Variants in LRRC40 observed in about 807,000 individuals in gnomAD.
LRRC40 encodes the protein leucine-rich repeat-containing protein 40.
In LRRC40, 76 loss-of-function variants were observed where a neutral mutation model predicts 72.8. The ratio of observed to expected loss-of-function variants is 1.04; its 90% CI spans 0.87 to 1.26. LRRC40 has a LOEUF of 1.26. LRRC40 is among the 50% of genes most tolerant of loss of function. The pLI, the probability that LRRC40 is intolerant of heterozygous loss-of-function variation, is 0.00. For missense variants in LRRC40, 684 were observed against 698.9 expected (o/e 0.98, Z 0.24); for synonymous variants, 243 against 254.2 (o/e 0.96, Z 0.42).
Position 70,181,560 on chromosome 1 carries a change from T to C in LRRC40, c.538-351A>G, listed in dbSNP as rs373527511. On this transcript the variant is annotated intron_variant, in intron 4 of 14. Transcript: ENST00000370952. ...AATTCATGTATTCATCCAATATTTA[T>C]GAAGTGCCTAAGAAGAATTAGGCAT... Among the ~76,000 whole-genome samples the C allele has an allele frequency of 1.7e-4, 26 of 152,108 alleles. No homozygotes were observed. The East Asian group carries it at 3.1e-3, about 18-fold the overall frequency.
At chr1:70,196,632 C>CG (rs1668618130) in intron 1 of LRRC40, among the ~76,000 whole-genome samples, 2 of 149,930 alleles carry the variant, frequency 1.3e-5, no homozygotes, top group South Asian at 4.2e-4. Flanking sequence ...AAGCCCTAAG[C>CG]GAAAAAAAAA....
rs1245752060 is a variant in LRRC40, at chr1:70,183,646, G to A, written c.537+1139C>T. 2.0e-5 allele frequency among the ~76,000 whole-genome samples: 3 copies of A among 151,890 alleles called. No individual in the cohort carries two copies. The East Asian group carries it at 5.8e-4, about 29-fold the overall frequency. ...GGCTCACTAAAGCCTCAGCCTCCCTGACTCAGGCAACTTCCCTGCCTCAGC... is the reference window on the plus strand; with the variant it reads ...GGCTCACTAAAGCCTCAGCCTCCCTAACTCAGGCAACTTCCCTGCCTCAGC... On this transcript the variant is annotated intron_variant, in intron 4 of 14. Coordinates refer to ENST00000370952, the MANE Select transcript of LRRC40 (RefSeq NM_017768.5).
chr1:70,191,541 C>T (rs1571490068), intron 1 of LRRC40, among the ~76,000 whole-genome samples: 1 of 152,030 alleles, frequency 6.6e-6, no homozygotes, highest in East Asian at 1.9e-4. Flanking sequence ...TGATACTGTA[C>T]TATTATTGAA....
chr1:70,187,406 G>T, intron 2 of LRRC40, 68 bp from the exon 3 acceptor site: 1 of 785,450 alleles, frequency 1.3e-6, no homozygotes, highest in Non-Finnish European at 2.1e-6. Context: ...AGCTTTGCCA[G>T]TGTACAAAAC....
intron 9 of LRRC40, among the ~76,000 whole-genome samples, chr1:70,169,039 A>G (rs1349453273): frequency 6.6e-6 from 1 of 152,200 alleles, no homozygotes; most frequent in African/African-American, 2.4e-5. Flanking sequence ...TGGAGTCCTG[A>G]TGAGATAAGT....
intron 11 of LRRC40, among the ~76,000 whole-genome samples, chr1:70,154,510 CCT>C (rs1667594645): frequency 6.6e-6 from 1 of 152,168 alleles, no homozygotes; most frequent in African/African-American, 2.4e-5. Flanking sequence ...TATCAAATAT[CCT>C]CTCAGTCCTT....
At chr1:70,163,162 G>A (rs1299542143) in intron 9 of LRRC40, among the ~76,000 whole-genome samples, 2 of 150,234 alleles carry the variant, frequency 1.3e-5, no homozygotes, top group Non-Finnish European at 3.0e-5. Flanking sequence ...TGCAACCTCC[G>A]ACTCCCTGGT....
intron 1 of LRRC40, among the ~76,000 whole-genome samples, chr1:70,193,722 T>C (rs1425673759): frequency 1.3e-5 from 2 of 151,936 alleles, no homozygotes; most frequent in African/African-American, 4.8e-5. Flanking sequence ...CTGAACAAAT[T>C]TTGCAACTCT....
chr1:70,192,385 C>T (rs1383922722), intron 1 of LRRC40, among the ~76,000 whole-genome samples: 6 of 151,994 alleles, frequency 3.9e-5, no homozygotes, highest in African/African-American at 1.4e-4. Context: ...ATCAGTTCAA[C>T]CAGTTTAGAC....
Position 70,181,373 on chromosome 1 carries a change from T to C in LRRC40, c.538-164A>G, listed in dbSNP as rs375638879. On this transcript the variant is annotated intron_variant, in intron 4 of 14. Transcript: ENST00000370952. ...CATTCACTGAAAATTTCACAGATCA[T>C]CATTCATTTCAAGATTGATTTTCAA... Among the ~76,000 whole-genome samples the C allele has an allele frequency of 2.0e-5, 3 of 152,130 alleles. No homozygotes were observed. The East Asian group carries it at 5.8e-4, about 29-fold the overall frequency.
At chr1:70,202,922 ACT>A (rs1326577083) in intron 1 of LRRC40, among the ~76,000 whole-genome samples, 1 of 152,000 alleles carries the variant, frequency 6.6e-6, no homozygotes, top group Non-Finnish European at 1.5e-5. Context: ...ACAGGATCTC[ACT>A]CTCTTGCCCA....
At chr1:70,200,520 A>G (rs1668713492) in intron 1 of LRRC40, among the ~76,000 whole-genome samples, 1 of 152,178 alleles carries the variant, frequency 6.6e-6, no homozygotes, top group Non-Finnish European at 1.5e-5. Flanking sequence ...TGTAAATGTG[A>G]AGAGAGAGAG....
intron 1 of LRRC40, among the ~76,000 whole-genome samples, chr1:70,200,272 G>A (rs542126137): frequency 6.6e-6 from 1 of 152,212 alleles, no homozygotes; most frequent in South Asian, 2.1e-4. Context: ...TTGAGACCAA[G>A]CTGGGCAATA....
chr1:70,194,754 T>C (rs779601891), intron 1 of LRRC40, among the ~76,000 whole-genome samples: 1 of 152,104 alleles, frequency 6.6e-6, no homozygotes, highest in Non-Finnish European at 1.5e-5. Context: ...AGAACTAAAT[T>C]AGGTCAAACA....
chr1:70,171,866 GA>G, intron 9 of LRRC40, among the ~76,000 whole-genome samples: 1 of 152,190 alleles, frequency 6.6e-6, no homozygotes, highest in Non-Finnish European at 1.5e-5. Context: ...CAAGAGAAAT[GA>G]AAACATACAT....
rs530989478 is a variant in LRRC40, at chr1:70,151,224, C to G, written c.1440-19G>C. 3 of 1,254,756 alleles carry G rather than the reference C, an allele frequency of 2.4e-6. No homozygotes were observed. Among genetic ancestry groups the G allele is most frequent in the African/African-American group, 1.5e-5 (1 of 67,134 alleles). The allele number at this position is 1,254,756 out of a possible 1,614,324, so 77.7% of individuals were successfully genotyped here. The stretch of plus-strand genomic sequence containing the variant: ...ATTGTTCCTAAATTGGAAATCAAAA[C>G]AGAAGATTTACAAAGTTTGAAAAAT... On this transcript the variant is annotated intron_variant, in intron 12 of 14. Coordinates refer to ENST00000370952, the MANE Select transcript of LRRC40 (RefSeq NM_017768.5).
chr1:70,168,957 G>C (rs974475327), intron 9 of LRRC40, among the ~76,000 whole-genome samples: 1 of 152,116 alleles, frequency 6.6e-6, no homozygotes, highest in Non-Finnish European at 1.5e-5. Flanking sequence ...CCTATGTCAA[G>C]AAACAAGATC....
chr1:70,149,839 T>C (rs1352983564), intron 13 of LRRC40, among the ~76,000 whole-genome samples: 1 of 152,222 alleles, frequency 6.6e-6, no homozygotes, highest in African/African-American at 2.4e-5. Flanking sequence ...ACACTTGTTA[T>C]AAGGATTAAA....
chr1:70,189,473 A>G (rs1191601608), intron 1 of LRRC40, among the ~76,000 whole-genome samples, 200 bp from the exon 2 acceptor site: 3 of 152,240 alleles, frequency 2.0e-5, no homozygotes, highest in Non-Finnish European at 4.4e-5. Flanking sequence ...CTATATATCA[A>G]TAATATGTCC....
Sources: allele counts gnomAD v4.1 joint callset (sites outside exome capture counted in the v4.1 genomes callset), GRCh38; gene constraint gnomAD v4.1.1; transcripts MANE v1.5; gene names NCBI Gene and HGNC (gene_info 2026-07-23, HGNC 2026-07-21).